Variants in GRAMD2B observed in about 807,000 individuals in gnomAD.
GRAMD2B encodes the protein GRAM domain-containing protein 2B.
A neutral mutation model predicts 59.2 loss-of-function variants in GRAMD2B; 41 were observed. That is an observed-to-expected ratio of 0.69 (90% CI 0.54 to 0.90). The LOEUF is 0.90. Among genes scored for constraint, GRAMD2B ranks in the 40% least tolerant of loss-of-function variants. GRAMD2B has a pLI of 0.00. For missense variants in GRAMD2B, 424 were observed against 500.5 expected (o/e 0.85, Z 1.46); for synonymous variants, 161 against 182.7 (o/e 0.88, Z 0.96).
At chr5:126,483,392 T>G in intron 8 of GRAMD2B, 71 bp from the exon 9 acceptor site, 1 of 873,694 alleles carries the variant, frequency 1.1e-6, no homozygotes, top group East Asian at 2.5e-5. Context: ...GTGAAAGGGC[T>G]GGGAGTTACA....
At chr5:126,473,225 G>A (rs1769959164) in intron 4 of GRAMD2B, 40 bp from the exon 5 acceptor site, 3 of 737,792 alleles carry the variant, frequency 4.1e-6, no homozygotes, top group African/African-American at 3.6e-5. Flanking sequence ...ATTTTAAGTG[G>A]AAATTCTAAA....
intron 1 of GRAMD2B, among the ~76,000 whole-genome samples, chr5:126,434,736 C>T (rs1762140533): frequency 6.6e-6 from 1 of 152,140 alleles, no homozygotes. Context: ...CCAGGATGGT[C>T]TCGATCTCCT....
At chr5:126,390,660 C>T (rs1407866238) in intron 1 of GRAMD2B, among the ~76,000 whole-genome samples, 1 of 152,274 alleles carries the variant, frequency 6.6e-6, no homozygotes, top group East Asian at 1.9e-4. Context: ...ATAAATGCAG[C>T]TGGAAGAGTG....
upstream of GRAMD2B, among the ~76,000 whole-genome samples, chr5:126,371,097 C>T (rs1754726817): frequency 6.6e-6 from 1 of 152,176 alleles, no homozygotes; most frequent in African/African-American, 2.4e-5. Context: ...AGTCTCTGCA[C>T]CTCATTGTTT....
chr5:126,427,688 G>C (rs1561506886), intron 1 of GRAMD2B, among the ~76,000 whole-genome samples: 1 of 152,166 alleles, frequency 6.6e-6, no homozygotes, highest in Non-Finnish European at 1.5e-5. Flanking sequence ...GACCGCAGTG[G>C]CAACATCTCT....
rs902226288 is a variant in GRAMD2B, at chr5:126,463,911, T to C, written c.84-1515T>C. Among the ~76,000 whole-genome samples the C allele has an allele frequency of 5.3e-5, 8 of 151,864 alleles. No homozygotes were observed. The East Asian group carries it at 1.5e-3, about 29-fold the overall frequency. On this transcript the variant is annotated intron_variant, in intron 1 of 13. Coordinates refer to ENST00000285689, the MANE Select transcript of GRAMD2B (RefSeq NM_023927.4). ...GCGTGCGCCTGTAATCCCAGCTACT[T>C]GGGAGGCTGAGGCAGGAGAATCTTG...
chr5:126,473,296 A>C lies in GRAMD2B; in HGVS notation c.414A>C (p.Leu138=), dbSNP rs759689240. ...CCTGTGCTCTACAGAAAGAAATACT[A>C]TACCAAGGAAAGCTCTTTGTATCAG... The part of the protein sequence containing the change: ...SFTCALQKEI[L]YQGKLFVSEN... Residue 138 remains leucine, a synonymous_variant, in exon 5 of 14, where the codon CTA becomes CTC. Transcript: ENST00000285689. The C allele has an allele frequency of 6.6e-7, 1 of 1,521,590 alleles. No individual in the cohort carries two copies. Among genetic ancestry groups the C allele is most frequent in the South Asian group, 1.3e-5 (1 of 79,188 alleles). 94.3% of individuals were successfully genotyped at this position (1,521,590 alleles called of 1,614,324 possible). A position where few individuals can be genotyped will look rare whatever the true frequency, so the allele number is the denominator to read the frequency against.
intron 11 of GRAMD2B, 99 bp downstream of exon 11, chr5:126,485,872 G>A: frequency 4.3e-6 from 3 of 701,238 alleles, no homozygotes; most frequent in South Asian, 2.0e-5. Flanking sequence ...AATCTCAATT[G>A]TCTGAAATGT....
At chr5:126,381,016 A>C (rs922193130) in intron 1 of GRAMD2B, among the ~76,000 whole-genome samples, 1 of 152,214 alleles carries the variant, frequency 6.6e-6, no homozygotes, top group Admixed American at 6.5e-5. Context: ...TTCACCATTC[A>C]GTATAATGTT....
chr5:126,421,512 T>C (rs1303618578), upstream of GRAMD2B, among the ~76,000 whole-genome samples: 1 of 152,120 alleles, frequency 6.6e-6, no homozygotes, highest in African/African-American at 2.4e-5. Flanking sequence ...CACCCAGAGT[T>C]TTCCCCATCC....
At chr5:126,367,403 C>T (rs555307166), upstream of GRAMD2B, among the ~76,000 whole-genome samples, 3 of 149,442 alleles carry the variant, frequency 2.0e-5, no homozygotes, top group Admixed American at 6.7e-5. Flanking sequence ...TCTTATGTCT[C>T]AATATCCAAA....
At chr5:126,452,225 G>C (rs1018730686) in intron 1 of GRAMD2B, among the ~76,000 whole-genome samples, 38 of 152,160 alleles carry the variant, frequency 2.5e-4, no homozygotes, top group Non-Finnish European at 2.9e-5. Flanking sequence ...CACATTTGCT[G>C]TTTCATGGAT....
chr5:126,465,546 G>GT lies in GRAMD2B; in HGVS notation c.203+2dup. 2 of 1,613,272 alleles carry GT rather than the reference G, an allele frequency of 1.2e-6. No homozygotes were observed. The highest frequency in any genetic ancestry group is 1.7e-6 in the Non-Finnish European group (2 of 1,179,752). Reference sequence around the variant, plus strand: ...ACCAGAAGAAAATCATTAGCCTATGGTAAGTCCTCCGTTGACTCTCTTTGT... The same window carrying GT: ...ACCAGAAGAAAATCATTAGCCTATGGTTAAGTCCTCCGTTGACTCTCTTTGT... On this transcript the variant is annotated splice_donor_variant, in intron 2 of 13. Coordinates refer to ENST00000285689, the MANE Select transcript of GRAMD2B (RefSeq NM_023927.4). LOFTEE classifies it high-confidence loss of function.
At chr5:126,489,260 G>T (rs184658807) in intron 13 of GRAMD2B, among the ~76,000 whole-genome samples, 16 of 152,284 alleles carry the variant, frequency 1.1e-4, no homozygotes, top group Admixed American at 5.2e-4. Flanking sequence ...AGAAAGTACA[G>T]CCCCAACTCC....
chr5:126,362,731 C>T (rs1407861189), intron 1 of GRAMD2B, among the ~76,000 whole-genome samples: 3 of 151,998 alleles, frequency 2.0e-5, no homozygotes, highest in African/African-American at 7.3e-5. Flanking sequence ...CAAGATAATC[C>T]AATGGGAAAA....
chr5:126,361,098 T>A (rs896872589), intron 1 of GRAMD2B, among the ~76,000 whole-genome samples: 1 of 152,234 alleles, frequency 6.6e-6, no homozygotes, highest in African/African-American at 2.4e-5. Flanking sequence ...TAGAGATATT[T>A]AATTTGTTTA....
At chr5:126,447,325 A>G (rs1422950358) in intron 1 of GRAMD2B, among the ~76,000 whole-genome samples, 1 of 152,128 alleles carries the variant, frequency 6.6e-6, no homozygotes, top group Non-Finnish European at 1.5e-5. Context: ...TCCTATTGCT[A>G]TTTATACTGT....
rs760405715 is a variant in GRAMD2B, at chr5:126,492,930, C to T, written c.1273C>T (p.Gln425Ter). 65 of 1,608,872 alleles carry T rather than the reference C, an allele frequency of 4.0e-5. No homozygotes were observed. The highest frequency in any genetic ancestry group is 5.4e-5 in the Non-Finnish European group (64 of 1,175,524). ...VKLEKIQNNL[Q>*]KLLENGD ...TTATTTCAAGATACAAAATAACTTA[C>T]AGAAGTTGCTTGAGAATGGTGACTG... The change falls in exon 14 of 14, where the codon CAG becomes TAG. Residue 425 changes from glutamine to a stop codon, truncating the protein, a stop_gained. Coordinates refer to ENST00000285689, the MANE Select transcript of GRAMD2B (RefSeq NM_023927.4). LOFTEE classifies it high-confidence loss of function.
In GRAMD2B at chr5:126,387,473, C is replaced by T. The variant is rs529329797; in HGVS notation, c.125+15906C>T. Among the ~76,000 whole-genome samples, 3 of 151,776 alleles carry T rather than the reference C, an allele frequency of 2.0e-5. No homozygotes were observed. The South Asian group carries it at 6.2e-4, about 31-fold the overall frequency. On this transcript the variant is annotated intron_variant, in intron 1 of 8. Transcript: ENST00000506445. ...TTCTGGAAATATAAGAATAAAGACACTAAGAGAAGATGGTTCTCCATCTGT... is the reference window on the plus strand; with the variant it reads ...TTCTGGAAATATAAGAATAAAGACATTAAGAGAAGATGGTTCTCCATCTGT...
Sources: allele counts gnomAD v4.1 joint callset (sites outside exome capture counted in the v4.1 genomes callset), GRCh38; gene constraint gnomAD v4.1.1; transcripts MANE v1.5; gene names NCBI Gene and HGNC (gene_info 2026-07-23, HGNC 2026-07-21).